DHRSX: variants seen among roughly 807,000 people sequenced by gnomAD.
DHRSX encodes polyprenol dehydrogenase.
In DHRSX, 31 loss-of-function variants were observed where a neutral mutation model predicts 34.0. The ratio of observed to expected loss-of-function variants is 0.91; its 90% CI spans 0.69 to 1.23. DHRSX has a LOEUF of 1.23. DHRSX is among the 50% of genes most tolerant of loss of function. The pLI is 0.00. For missense variants in DHRSX, 414 were observed against 428.1 expected, an observed-to-expected ratio of 0.97 and a Z score of 0.29; for synonymous variants, 201 against 183.8, an observed-to-expected ratio of 1.09 and a Z score of -0.76.
chrX:2,441,339 T>A (rs2044059955), intron 1 of DHRSX, among the ~76,000 whole-genome samples: 1 of 152,178 alleles, frequency 6.6e-6, no homozygotes, highest in Admixed American at 6.5e-5. Context: ...TTGACGTGTC[T>A]TCAAGTCTGA....
chrX:2,321,225 T>C (rs181691824), intron 3 of DHRSX, among the ~76,000 whole-genome samples: 5 of 152,292 alleles, frequency 3.3e-5, no homozygotes, highest in African/African-American at 1.2e-4. Context: ...TGGGCGATGA[T>C]GATCCGATTT....
intron 1 of DHRSX, among the ~76,000 whole-genome samples, chrX:2,479,102 AC>A (rs2124043307): frequency 6.6e-6 from 1 of 150,774 alleles, no homozygotes; most frequent in East Asian, 2.0e-4. Context: ...CTAAGGGACC[AC>A]AGCCATGTAC....
chrX:2,333,573 C>A (rs956746127), intron 3 of DHRSX, among the ~76,000 whole-genome samples: 2 of 152,090 alleles, frequency 1.3e-5, no homozygotes, highest in Admixed American at 6.6e-5. Context: ...TGCTACTCTG[C>A]CTGGCTAATT....
chrX:2,425,925 A>C (rs1030375863), intron 1 of DHRSX, among the ~76,000 whole-genome samples: 6 of 152,088 alleles, frequency 3.9e-5, no homozygotes, highest in African/African-American at 1.4e-4. Flanking sequence ...GGCTAGTGTG[A>C]ATGATTTCAG....
At chrX:2,410,398 G>A (rs2043610819) in intron 2 of DHRSX, among the ~76,000 whole-genome samples, 1 of 152,148 alleles carries the variant, frequency 6.6e-6, no homozygotes, top group Non-Finnish European at 1.5e-5. Context: ...GATCTGCAAG[G>A]AGCAGTTACC....
chrX:2,368,808 C>G (rs2043024058), intron 3 of DHRSX, among the ~76,000 whole-genome samples: 2 of 151,964 alleles, frequency 1.3e-5, no homozygotes, highest in Admixed American at 6.6e-5. Flanking sequence ...CAAGATTGTG[C>G]CACTGAACTC....
chrX:2,402,426 C>T (rs1426061340), intron 3 of DHRSX, among the ~76,000 whole-genome samples: 1 of 152,200 alleles, frequency 6.6e-6, no homozygotes, highest in African/African-American at 2.4e-5. Flanking sequence ...GAAGGGATGC[C>T]TGTAGGAGCT....
intron 6 of DHRSX, among the ~76,000 whole-genome samples, chrX:2,241,678 G>A (rs1207250089): frequency 4.6e-5 from 7 of 152,134 alleles, no homozygotes; most frequent in African/African-American, 1.7e-4. Context: ...GGAGCCCGAG[G>A]CGGGTGGATC....
At chrX:2,325,694 T>G (rs2042377734) in intron 3 of DHRSX, among the ~76,000 whole-genome samples, 1 of 152,196 alleles carries the variant, frequency 6.6e-6, no homozygotes, top group Non-Finnish European at 1.5e-5. Context: ...GCCTTTCCTG[T>G]GGGCTATGTA....
chrX:2,420,135 G>A lies in DHRSX; in HGVS notation c.217+5062C>T, dbSNP rs1016110362. On this transcript the variant is annotated intron_variant, in intron 2 of 6. Transcript: ENST00000334651. ...GTCTATTAAGAGAATGAGGCCGGGC[G>A]CAGTGGCTCACGCCTGTAATCCCAG... Among the ~76,000 whole-genome samples the A allele has an allele frequency of 1.1e-3, 170 of 151,056 alleles. 1 individual carries two copies. The highest frequency in any genetic ancestry group is 3.8e-3 in the African/African-American group (158 of 41,220).
At chrX:2,444,835 C>A (rs1405717164) in intron 1 of DHRSX, among the ~76,000 whole-genome samples, 1 of 146,618 alleles carries the variant, frequency 6.8e-6, no homozygotes, top group Non-Finnish European at 1.5e-5. Context: ...ACCCAGTCTC[C>A]AAAAAAAAAA....
At chrX:2,420,320 A>G (rs1453246285) in intron 2 of DHRSX, among the ~76,000 whole-genome samples, 3 of 152,082 alleles carry the variant, frequency 2.0e-5, no homozygotes, top group African/African-American at 7.2e-5. Flanking sequence ...AGGCAGGAGA[A>G]TCGCTTCAAC....
At chrX:2,276,281 G>A (rs1375140347) in intron 4 of DHRSX, among the ~76,000 whole-genome samples, 1 of 152,146 alleles carries the variant, frequency 6.6e-6, no homozygotes, top group Non-Finnish European at 1.5e-5. Flanking sequence ...TGCGAATTTT[G>A]TAAGGAATAA....
At chrX:2,304,152 G>A (rs1413512328) in intron 3 of DHRSX, among the ~76,000 whole-genome samples, 3 of 146,478 alleles carry the variant, frequency 2.0e-5, no homozygotes, top group Admixed American at 6.8e-5. Flanking sequence ...TGGATGGATG[G>A]ATGGATGGAT....
At chrX:2,259,375 G>T (rs868328294) in intron 5 of DHRSX, among the ~76,000 whole-genome samples, 6 of 133,830 alleles carry the variant, frequency 4.5e-5, no homozygotes, top group Non-Finnish European at 1.0e-4. Flanking sequence ...GATATATATA[G>T]ATATATATAT....
At chrX:2,243,267 G>A (rs1206349713) in intron 5 of DHRSX, 37 bp from the exon 6 acceptor site, 8 of 1,583,356 alleles carry the variant, frequency 5.1e-6, no homozygotes, top group African/African-American at 2.7e-5. Context: ...AGAGGCTGAC[G>A]GCGTTCACGC....
chrX:2,314,772 A>G (rs2042222255), intron 3 of DHRSX, among the ~76,000 whole-genome samples: 3 of 152,132 alleles, frequency 2.0e-5, no homozygotes, highest in African/African-American at 4.8e-5. Context: ...AGATAAAAAA[A>G]TCAGAACTTC....
chrX:2,246,975 G>T (rs2016312845), intron 5 of DHRSX, among the ~76,000 whole-genome samples: 1 of 152,144 alleles, frequency 6.6e-6, no homozygotes, highest in African/African-American at 2.4e-5. Context: ...TTGAGAAGGA[G>T]TCTTGCTCTG....
chrX:2,318,699 G>A (rs1456256686), intron 3 of DHRSX, among the ~76,000 whole-genome samples: 5 of 152,082 alleles, frequency 3.3e-5, no homozygotes, highest in African/African-American at 9.7e-5. Flanking sequence ...GAAAACTCAC[G>A]AATAATCTTT....
Sources: allele counts gnomAD v4.1 joint callset (sites outside exome capture counted in the v4.1 genomes callset), GRCh38; gene constraint gnomAD v4.1.1; transcripts MANE v1.5; gene names NCBI Gene and HGNC (gene_info 2026-07-23, HGNC 2026-07-21).